The following UBR1 variants were observed in gnomAD, a reference collection of about 807,000 sequenced individuals.
UBR1 encodes ubiquitin protein ligase E3 component n-recognin 1, also known as E3 ubiquitin-protein ligase UBR1.
A neutral mutation model predicts 242.1 loss-of-function variants in UBR1; 102 were observed. The ratio of observed to expected loss-of-function variants is 0.42; its 90% CI spans 0.36 to 0.50. The LOEUF is 0.50. Among genes scored for constraint, UBR1 ranks in the 20% least tolerant of loss-of-function variants. The pLI, the probability that UBR1 is intolerant of heterozygous loss-of-function variation, is 0.01. For synonymous variants in UBR1, 675 were observed against 684.8 expected (o/e 0.99, Z 0.22); for missense variants, 1,772 against 2,101.8 (o/e 0.84, Z 3.07).
Position 43,003,903 on chromosome 15 carries a change from G to T in UBR1, c.3443C>A (p.Pro1148Gln). 15 of 1,614,080 alleles carry T rather than the reference G, an allele frequency of 9.3e-6. No individual in the cohort carries two copies. The highest frequency in any genetic ancestry group is 1.3e-5 in the Non-Finnish European group (15 of 1,179,998). The change falls in exon 31 of 47, where the codon CCA becomes CAA. Residue 1148 changes from proline to glutamine, a missense_variant. This residue lies in a region of UBR1 where 965 missense variants were observed against 1,079.7 expected (regional missense o/e 0.89). Transcript: ENST00000290650. ...TGTATAAGTTCCATATGCCAAGTCT[G>T]GATCCATGAAAAGTGGGTCTAGGGC... Reference protein sequence around the residue: ...GEALDPLFMDPDLAYGTYTGS... With the variant: ...GEALDPLFMDQDLAYGTYTGS...
intron 39 of UBR1, among the ~76,000 whole-genome samples, chr15:42,974,181 C>A (rs931414593): frequency 1.3e-5 from 2 of 152,208 alleles, no homozygotes; most frequent in East Asian, 3.8e-4. Flanking sequence ...AGCCACCGTG[C>A]CCAGCCATCT....
chr15:43,037,877 A>G lies in UBR1; in HGVS notation c.1918T>C (p.Phe640Leu), dbSNP rs761253544. ...TATTCCACTAGTACCTCTACTTGAA[A>G]GTCCTCCTGAAATAGAGTGAGTTCA... ...RLHEFVSFED[F>L]QVEVLVEYPL... The change falls in exon 17 of 47, where the codon TTT becomes CTT. Residue 640 changes from phenylalanine (F) to leucine (L), a missense_variant. Physicochemically the swap from Phe to Leu is conservative, Grantham distance 22. This residue lies in a region of UBR1 where 734 missense variants were observed against 893.3 expected (regional missense o/e 0.82). Coordinates refer to ENST00000290650, the MANE Select transcript of UBR1 (RefSeq NM_174916.3). The G allele has an allele frequency of 6.2e-7, 1 of 1,613,478 alleles. No individual in the cohort carries two copies. Among genetic ancestry groups the G allele is most frequent in the Non-Finnish European group, 8.5e-7 (1 of 1,179,610 alleles).
intron 6 of UBR1, 69 bp from the exon 7 acceptor site, chr15:43,060,183 C>G (rs1182965326): frequency 2.1e-6 from 3 of 1,454,364 alleles, no homozygotes; most frequent in African/African-American, 2.8e-5. Flanking sequence ...ATATGTAGCC[C>G]AAAGACTTAA....
intron 29 of UBR1, among the ~76,000 whole-genome samples, chr15:43,012,126 C>G (rs1249429511): frequency 6.6e-6 from 1 of 151,628 alleles, no homozygotes; most frequent in African/African-American, 2.4e-5. Flanking sequence ...ACTCGGGAGG[C>G]TGAGGCAGGA....
intron 27 of UBR1, among the ~76,000 whole-genome samples, chr15:43,018,969 C>T (rs761616120): frequency 1.8e-4 from 27 of 152,158 alleles, no homozygotes; most frequent in African/African-American, 4.6e-4. Flanking sequence ...TACCTACTTT[C>T]GTTTGATTTT....
intron 1 of UBR1, among the ~76,000 whole-genome samples, chr15:43,098,646 T>C (rs965628859): frequency 6.6e-6 from 1 of 152,230 alleles, no homozygotes; most frequent in South Asian, 2.1e-4. Context: ...CTAGCACATC[T>C]ACACTAAGTT....
At chr15:43,027,073 G>A (rs181186918) in intron 22 of UBR1, among the ~76,000 whole-genome samples, 8 of 152,074 alleles carry the variant, frequency 5.3e-5, no homozygotes, top group African/African-American at 1.9e-4. Flanking sequence ...CATAACCTTA[G>A]TAATTTGCAA....
At chr15:42,961,396 T>C (rs143416817) in intron 42 of UBR1, among the ~76,000 whole-genome samples, 2,328 of 150,132 alleles carry the variant, frequency 0.016, 62 homozygotes, top group African/African-American at 0.054. Flanking sequence ...TACATGCAAA[T>C]GAGCCACTGT....
intron 10 of UBR1, 116 bp from the exon 11 acceptor site, chr15:43,056,558 TTCCTATTTATTA>T: frequency 1.5e-6 from 1 of 665,624 alleles, no homozygotes; most frequent in Non-Finnish European, 2.6e-6. Flanking sequence ...AGTAATATAA[TTCCTATTTATTA>T]AGGCAAGATA....
intron 22 of UBR1, among the ~76,000 whole-genome samples, chr15:43,027,404 AAT>A (rs575656123): frequency 2.3e-3 from 352 of 152,272 alleles, no homozygotes; most frequent in Non-Finnish European, 3.0e-3. Flanking sequence ...AATATTATAA[AAT>A]ACTGTTTTAA....
intron 12 of UBR1, among the ~76,000 whole-genome samples, chr15:43,049,419 T>C (rs1327035755): frequency 5.3e-5 from 8 of 152,060 alleles, no homozygotes; most frequent in South Asian, 2.1e-4. Context: ...AAAAATTAGC[T>C]GGGCGTGGTG....
Position 43,025,748 on chromosome 15 carries a change from T to G in UBR1, c.2536-319A>C, listed in dbSNP as rs2033170009. 4 of 271,974 alleles carry G rather than the reference T, an allele frequency of 1.5e-5. No homozygotes were observed. In the South Asian group the frequency reaches 1.7e-4, roughly 12 times the overall value. The allele number at this position is 271,974 out of a possible 1,614,324, so 16.8% of individuals were successfully genotyped here. On this transcript the variant is annotated intron_variant, in intron 23 of 46. Transcript: ENST00000290650. ...GATAAGGACAAAGCCAGACATCACC[T>G]TAACTAACTGATCAAACTTAACATG... is the stretch of plus-strand genomic sequence containing the variant.
chr15:43,085,911 A>G, intron 2 of UBR1, 73 bp downstream of exon 2: 1 of 1,460,686 alleles, frequency 6.8e-7, no homozygotes. Flanking sequence ...ACACAGCAAG[A>G]CTCTGTTTCA....
chr15:42,973,672 T>A (rs542130827), intron 39 of UBR1, among the ~76,000 whole-genome samples: 46 of 152,276 alleles, frequency 3.0e-4, no homozygotes, highest in African/African-American at 9.6e-4. Context: ...ATAACAGTCC[T>A]TTATCAGAAG....
At chr15:42,993,803 A>C (rs954371619) in intron 33 of UBR1, among the ~76,000 whole-genome samples, 1 of 149,202 alleles carries the variant, frequency 6.7e-6, no homozygotes, top group African/African-American at 2.5e-5. Flanking sequence ...TCACCACTGC[A>C]CTCCAGCCTG....
chr15:42,945,118 C>A lies in UBR1; in HGVS notation c.*211G>T. On this transcript the variant is annotated 3_prime_UTR_variant, in exon 47 of 47. Coordinates refer to ENST00000290650, the MANE Select transcript of UBR1 (RefSeq NM_174916.3). ...TTCCTGGAAATACTAGCACATAAAA[C>A]AGATTGATCTATGTCCTTTTTTCCT... is the stretch of plus-strand genomic sequence containing the variant. 1 of 610,098 alleles carries A rather than the reference C, an allele frequency of 1.6e-6. No individual in the cohort carries two copies. The highest frequency in any genetic ancestry group is 2.8e-6 in the Non-Finnish European group (1 of 353,474). 37.8% of individuals were successfully genotyped at this position (610,098 alleles called of 1,614,324 possible).
rs1452331072 is a variant in UBR1 at position 42,944,922 on chromosome 15, A to C, written c.*407T>G. On this transcript the variant is annotated 3_prime_UTR_variant, in exon 47 of 47. Coordinates refer to ENST00000290650, the MANE Select transcript of UBR1 (RefSeq NM_174916.3). Reference sequence around the variant, plus strand: ...AAGGAAGACTATCACAGATTATTAGAATTTTGTCAGTGATCCAATGTCAGT... The same window carrying C: ...AAGGAAGACTATCACAGATTATTAGCATTTTGTCAGTGATCCAATGTCAGT... The C allele has an allele frequency of 4.4e-6, 1 of 229,046 alleles. No individual in the cohort carries two copies. Among genetic ancestry groups the C allele is most frequent in the Non-Finnish European group, 8.7e-6 (1 of 114,406 alleles). 14.2% of individuals were successfully genotyped at this position (229,046 alleles called of 1,614,324 possible).
At chr15:42,979,404 A>G (rs1010970113) in intron 37 of UBR1, among the ~76,000 whole-genome samples, 2 of 152,106 alleles carry the variant, frequency 1.3e-5, no homozygotes, top group African/African-American at 4.8e-5. Flanking sequence ...AAAGGTTAAG[A>G]TCAGGGGCTT....
intron 2 of UBR1, among the ~76,000 whole-genome samples, chr15:43,084,689 G>T (rs573110171): frequency 6.6e-6 from 1 of 152,084 alleles, no homozygotes; most frequent in Non-Finnish European, 1.5e-5. Context: ...TCCTGACCTC[G>T]TGATCCACCT....
Sources: allele counts gnomAD v4.1 joint callset (sites outside exome capture counted in the v4.1 genomes callset), GRCh38; gene constraint gnomAD v4.1.1; regional missense constraint gnomAD v4.1.1; transcripts MANE v1.5; gene names NCBI Gene and HGNC (gene_info 2026-07-23, HGNC 2026-07-21).